The following DMD variants were observed in gnomAD, a reference collection of about 807,000 sequenced individuals.
DMD encodes dystrophin, also known as mutant dystrophin.
A neutral mutation model predicts 330.1 loss-of-function variants in DMD; 63 were observed. The ratio of observed to expected loss-of-function variants is 0.19; its 90% confidence interval spans 0.16 to 0.24. The LOEUF (loss-of-function observed/expected upper bound fraction) is 0.24, where lower values mean the gene tolerates loss of function less well. Among genes scored for constraint, DMD ranks in the 10% least tolerant of loss-of-function variants. The pLI is 1.00. For missense variants in DMD, 3,344 were observed against 2,684.1 expected (o/e 1.25, Z -5.43); for synonymous variants, 1,223 against 959.8 (o/e 1.27, Z -5.07).
At chrX:31,677,066 C>A (rs940675017) in intron 53 of DMD, among the ~76,000 whole-genome samples, 2 of 8,833 alleles carry the variant, frequency 2.3e-4, no homozygotes, top group African/African-American at 7.8e-4. Flanking sequence ...CATTCCAAAG[C>A]GTTTTTTTTT....
intron 55 of DMD, among the ~76,000 whole-genome samples, chrX:31,612,662 T>C (rs1367958067): frequency 1.8e-5 from 2 of 111,833 alleles, no homozygotes; most frequent in Non-Finnish European, 3.8e-5. Context: ...ATTCTAAATA[T>C]TAATTGGTAC....
intron 54 of DMD, among the ~76,000 whole-genome samples, chrX:31,635,001 C>A (rs1158897695): frequency 9.0e-6 from 1 of 111,046 alleles, no homozygotes; most frequent in Non-Finnish European, 1.9e-5. Context: ...TCTGCTGATA[C>A]AATACGAAAA....
At chrX:31,196,757 G>C (rs966155826) in intron 67 of DMD, among the ~76,000 whole-genome samples, 80 of 90,183 alleles carry the variant, frequency 8.9e-4, no homozygotes, top group African/African-American at 3.1e-3. Flanking sequence ...GGAGGTGGAG[G>C]TTGCAGTGTG....
chrX:32,813,778 T>G (rs745458756), intron 6 of DMD, among the ~76,000 whole-genome samples: 19 of 111,332 alleles, frequency 1.7e-4, no homozygotes, highest in Non-Finnish European at 2.4e-4. Context: ...ATTTTCTCGT[T>G]TTTCATATTG....
chrX:32,878,170 T>G (rs1281843152), intron 2 of DMD, among the ~76,000 whole-genome samples: 1 of 111,311 alleles, frequency 9.0e-6, no homozygotes, highest in African/African-American at 3.3e-5. Flanking sequence ...GGTCAGGAGA[T>G]CAAGACCATC....
At chrX:33,321,608 C>T (rs1474576883) in intron 1 of DMD, among the ~76,000 whole-genome samples, 1 of 111,053 alleles carries the variant, frequency 9.0e-6, no homozygotes, top group African/African-American at 3.3e-5. Context: ...GGTAAATGAG[C>T]ATTGCTTCAA....
intron 48 of DMD, among the ~76,000 whole-genome samples, chrX:31,846,053 TAGAA>T (rs1199490633): frequency 4.6e-5 from 5 of 109,102 alleles, no homozygotes; most frequent in Non-Finnish European, 9.5e-5. Flanking sequence ...CAAGAAAAGA[TAGAA>T]AGAGCAGAAG....
chrX:31,176,814 C>T (rs1315788093), intron 71 of DMD, among the ~76,000 whole-genome samples: 2 of 110,706 alleles, frequency 1.8e-5, no homozygotes, highest in African/African-American at 6.5e-5. Flanking sequence ...AATTAAGGGG[C>T]GCAATAACGA....
intron 7 of DMD, among the ~76,000 whole-genome samples, chrX:32,767,454 T>C (rs1390574497): frequency 3.6e-5 from 4 of 111,857 alleles, no homozygotes; most frequent in East Asian, 2.8e-4. Flanking sequence ...AAGTTCTATA[T>C]GTGCCATTAA....
At chrX:33,003,924 A>T (rs1237136405) in intron 2 of DMD, among the ~76,000 whole-genome samples, 1 of 112,530 alleles carries the variant, frequency 8.9e-6, no homozygotes, top group Non-Finnish European at 1.9e-5. Context: ...AATATAAAGC[A>T]TTCTGCTATG....
chrX:32,544,641 T>TATAAATATCA (rs2048793014), intron 17 of DMD, among the ~76,000 whole-genome samples: 1 of 111,200 alleles, frequency 9.0e-6, no homozygotes, highest in African/African-American at 3.3e-5. Flanking sequence ...GATAAGACTT[T>TATAAATATCA]ATAAATATCA....
intron 7 of DMD, among the ~76,000 whole-genome samples, chrX:32,782,275 T>A (rs188916319): frequency 1.8e-5 from 2 of 111,816 alleles, no homozygotes; most frequent in Non-Finnish European, 3.8e-5. Flanking sequence ...GTGTATAGTA[T>A]GTGATAACAT....
intron 47 of DMD, among the ~76,000 whole-genome samples, chrX:31,888,261 A>T: frequency 9.0e-6 from 1 of 111,614 alleles, no homozygotes; most frequent in African/African-American, 3.2e-5. Context: ...TAGTGGTAAT[A>T]TCCGTGTAAT....
intron 16 of DMD, among the ~76,000 whole-genome samples, chrX:32,551,303 C>A (rs2049530320): frequency 9.0e-6 from 1 of 111,388 alleles, no homozygotes; most frequent in Admixed American, 9.6e-5. Context: ...CAAGGAGCTT[C>A]TATCCCAGGG....
chrX:31,261,561 T>C (rs1569508626), intron 62 of DMD: 1 of 122,815 alleles, frequency 8.1e-6, no homozygotes, highest in Non-Finnish European at 1.7e-5. Context: ...GTATATCTAC[T>C]GCCTGACTAA....
chrX:31,201,201 A>ACG (rs1273381630), intron 67 of DMD, among the ~76,000 whole-genome samples: 6 of 88,764 alleles, frequency 6.8e-5, no homozygotes, highest in African/African-American at 7.5e-5. Context: ...ACACACACGC[A>ACG]CACACACACA....
intron 2 of DMD, among the ~76,000 whole-genome samples, chrX:32,904,975 C>G (rs2086614760): frequency 8.9e-6 from 1 of 112,301 alleles, no homozygotes; most frequent in Admixed American, 9.4e-5. Flanking sequence ...AGACTCCACT[C>G]TTTTGCTAGG....
At chrX:32,981,335 G>C (rs992137673) in intron 2 of DMD, among the ~76,000 whole-genome samples, 2 of 111,717 alleles carry the variant, frequency 1.8e-5, no homozygotes, top group African/African-American at 3.2e-5. Flanking sequence ...ACTGATGATA[G>C]GCCATTCAAT....
intron 18 of DMD, among the ~76,000 whole-genome samples, chrX:32,504,289 C>T (rs1057326712): frequency 8.9e-6 from 1 of 111,940 alleles, no homozygotes; most frequent in African/African-American, 3.3e-5. Context: ...AATTTTATCA[C>T]AAATTCACTT....
Sources: allele counts gnomAD v4.1 joint callset (sites outside exome capture counted in the v4.1 genomes callset), GRCh38; gene constraint gnomAD v4.1.1; transcripts MANE v1.5; gene names NCBI Gene and HGNC (gene_info 2026-07-23, HGNC 2026-07-21).